Variants in GNA12 observed in about 807,000 individuals in gnomAD.
GNA12 encodes guanine nucleotide-binding protein subunit alpha-12.
A neutral mutation model predicts 26.0 loss-of-function variants in GNA12; 9 were observed. That is an observed-to-expected ratio of 0.35 (90% CI 0.21 to 0.60). The LOEUF (loss-of-function observed/expected upper bound fraction) is 0.60, where lower values mean the gene tolerates loss of function less well. Among genes scored for constraint, GNA12 ranks in the 20% least tolerant of loss-of-function variants. The probability of loss-of-function intolerance (pLI) is 0.78; values close to 1 mark genes in which losing one functional copy is unlikely to be tolerated. For synonymous variants in GNA12, 264 were observed against 219.6 expected, an observed-to-expected ratio of 1.20 and a Z score of -1.79; for missense variants, 405 against 525.8, an observed-to-expected ratio of 0.77 and a Z score of 2.25.
chr7:2,763,426 C>G (rs1273600300), intron 2 of GNA12: 5 of 152,444 alleles, frequency 3.3e-5, no homozygotes, highest in African/African-American at 1.2e-4. Context: ...TATGGCCCTG[C>G]CAAACGCCTG....
At chr7:2,818,329 G>A (rs893670362) in intron 1 of GNA12, among the ~76,000 whole-genome samples, 24 of 152,200 alleles carry the variant, frequency 1.6e-4, no homozygotes, top group African/African-American at 5.3e-4. Context: ...AGATGCCGGC[G>A]GCACCCATCA....
chr7:2,823,591 C>T lies in GNA12; in HGVS notation c.309+20262G>A, dbSNP rs184255645. Among the ~76,000 whole-genome samples the T allele has an allele frequency of 3.9e-3, 600 of 152,066 alleles. 3 individuals are homozygous for T. The highest frequency in any genetic ancestry group is 0.01 in the Middle Eastern group (3 of 294). On this transcript the variant is annotated intron_variant, in intron 1 of 3. Coordinates refer to ENST00000275364, the MANE Select transcript of GNA12 (RefSeq NM_007353.3). Reference sequence around the variant, plus strand: ...GTTGCTTAAAAGAATTAGAACAATTCGTTCAATAAGCACTTAGGAAGTGTC... The same window carrying T: ...GTTGCTTAAAAGAATTAGAACAATTTGTTCAATAAGCACTTAGGAAGTGTC...
In GNA12 at chr7:2,779,386, G is replaced by A. The variant is rs141268178; in HGVS notation, c.525+15542C>T. On this transcript the variant is annotated intron_variant, in intron 2 of 3. Transcript: ENST00000275364. ...TAAGTTGGGTGTGGTGGTGCACACC[G>A]GTAGTTCTAGTTACTCGAGAGACTG... is the stretch of plus-strand genomic sequence containing the variant. Among the ~76,000 whole-genome samples the A allele has an allele frequency of 1.5e-3, 229 of 152,034 alleles. 2 individuals carry two copies. The East Asian group carries it at 0.028, about 19-fold the overall frequency.
intron 2 of GNA12, among the ~76,000 whole-genome samples, chr7:2,772,572 AG>A (rs1222545854): frequency 6.6e-6 from 1 of 151,930 alleles, no homozygotes; most frequent in Non-Finnish European, 1.5e-5. Flanking sequence ...AAAAAAAAAA[AG>A]AAAAAGGTGC....
intron 1 of GNA12, among the ~76,000 whole-genome samples, chr7:2,817,996 A>G (rs1349934365): frequency 6.6e-6 from 1 of 152,232 alleles, no homozygotes; most frequent in Non-Finnish European, 1.5e-5. Context: ...AAAAAGAAGA[A>G]AAAGTACTAG....
intron 1 of GNA12, among the ~76,000 whole-genome samples, chr7:2,839,988 A>C (rs1778943353): frequency 6.6e-6 from 1 of 152,184 alleles, no homozygotes; most frequent in South Asian, 2.1e-4. Context: ...ACAGAGCAAG[A>C]CTGTCTCAAA....
rs534351045 is a variant in GNA12, at chr7:2,753,452, G to A, written c.526-19951C>T. On this transcript the variant is annotated intron_variant, in intron 2 of 3. Transcript: ENST00000275364. ...TGCACCTGGCAGCATGTGGCCTTTG[G>A]AAGTTGGCTTTTTTCACTCAACATA... 5.9e-5 allele frequency among the ~76,000 whole-genome samples: 9 copies of A among 152,292 alleles called. No homozygotes were observed. The South Asian group carries it at 8.3e-4, about 14-fold the overall frequency.
At chr7:2,738,283 TA>T (rs34320599) in intron 2 of GNA12, among the ~76,000 whole-genome samples, 38,574 of 142,556 alleles carry the variant, frequency 0.27, 5,111 homozygotes, top group Admixed American at 0.31. Flanking sequence ...AGGCTCCATC[TA>T]AAAAAAAAAA....
At chr7:2,817,166 C>G (rs187755415) in intron 1 of GNA12, among the ~76,000 whole-genome samples, 8 of 152,342 alleles carry the variant, frequency 5.3e-5, no homozygotes, top group Non-Finnish European at 7.3e-5. Context: ...AGCGCAATGG[C>G]GCGACCTCGG....
intron 1 of GNA12, among the ~76,000 whole-genome samples, chr7:2,833,678 A>AT (rs766241522): frequency 9.2e-5 from 14 of 152,286 alleles, no homozygotes; most frequent in Admixed American, 3.3e-4. Flanking sequence ...CCAACCCCGT[A>AT]TGTCAAAGCA....
intron 2 of GNA12, among the ~76,000 whole-genome samples, chr7:2,741,058 A>T (rs369927194): frequency 3.9e-5 from 6 of 152,126 alleles, no homozygotes; most frequent in African/African-American, 1.4e-4. Flanking sequence ...ACAAACAAAC[A>T]AACAAACAAA....
chr7:2,752,105 T>C (rs905433964), intron 2 of GNA12, among the ~76,000 whole-genome samples: 7 of 152,142 alleles, frequency 4.6e-5, no homozygotes, highest in Non-Finnish European at 7.4e-5. Flanking sequence ...AACAAAACTT[T>C]AGCAATTTAA....
chr7:2,807,636 C>T (rs1562439105), intron 1 of GNA12, among the ~76,000 whole-genome samples: 1 of 151,032 alleles, frequency 6.6e-6, no homozygotes, highest in Non-Finnish European at 1.5e-5. Flanking sequence ...TCACTGTTCT[C>T]ATCCGTTGCC....
At chr7:2,801,942 T>C (rs1792818984) in intron 1 of GNA12, among the ~76,000 whole-genome samples, 1 of 152,150 alleles carries the variant, frequency 6.6e-6, no homozygotes, top group South Asian at 2.1e-4. Flanking sequence ...AACTGATAGT[T>C]ACACTTTTAC....
At chr7:2,777,601 G>A (rs1472905407) in intron 2 of GNA12, among the ~76,000 whole-genome samples, 3 of 152,182 alleles carry the variant, frequency 2.0e-5, no homozygotes, top group Admixed American at 1.3e-4. Flanking sequence ...AGACATCAGA[G>A]CTTCTCTCTC....
intron 1 of GNA12, among the ~76,000 whole-genome samples, chr7:2,809,294 G>A (rs981938644): frequency 4.6e-5 from 7 of 152,140 alleles, no homozygotes; most frequent in African/African-American, 9.7e-5. Flanking sequence ...GTCCTCATCC[G>A]CAAAGTAAGG....
intron 1 of GNA12, among the ~76,000 whole-genome samples, chr7:2,805,695 A>G (rs560411824): frequency 2.0e-5 from 3 of 152,258 alleles, no homozygotes; most frequent in Non-Finnish European, 2.9e-5. Context: ...TCTCTAGAAC[A>G]TTTTTTAAAA....
chr7:2,831,926 T>C (rs1244964088), intron 1 of GNA12, among the ~76,000 whole-genome samples: 1 of 152,190 alleles, frequency 6.6e-6, no homozygotes, highest in Non-Finnish European at 1.5e-5. Context: ...ATGACTCCCT[T>C]ATCACAAGGG....
intron 2 of GNA12, chr7:2,760,448 A>G (rs979652285): frequency 6.6e-6 from 1 of 152,454 alleles, no homozygotes; most frequent in Non-Finnish European, 1.5e-5. Context: ...ACGCTGTGGT[A>G]AGCACCTGAG....
Sources: gnomAD v4.1 joint callset for allele counts (sites outside exome capture counted in the v4.1 genomes callset) on GRCh38, gnomAD v4.1.1 for gene constraint, MANE v1.5 for transcripts, NCBI Gene and HGNC (gene_info 2026-07-23, HGNC 2026-07-21) for gene names.